The following RNF182 variants were observed in gnomAD, a reference collection of about 807,000 sequenced individuals.
The protein encoded by RNF182 is ring finger protein 182, also known as E3 ubiquitin-protein ligase RNF182.
A neutral mutation model predicts 14.4 loss-of-function variants in RNF182; 15 were observed. The observed-to-expected ratio is 1.04, with a 90% CI of 0.70 to 1.60. The LOEUF (loss-of-function observed/expected upper bound fraction) is 1.60, where lower values mean the gene tolerates loss of function less well. RNF182 is among the 40% of genes most tolerant of loss of function. The pLI, the probability that RNF182 is intolerant of heterozygous loss-of-function variation, is 0.00. For missense variants in RNF182, 268 were observed against 294.8 expected, an observed-to-expected ratio of 0.91 and a Z score of 0.67; for synonymous variants, 128 against 122.9, an observed-to-expected ratio of 1.04 and a Z score of -0.27.
intron 1 of RNF182, among the ~76,000 whole-genome samples, chr6:13,965,761 C>T (rs991924266): frequency 6.6e-6 from 1 of 152,168 alleles, no homozygotes; most frequent in African/African-American, 2.4e-5. Context: ...TGAGTATTGC[C>T]AAGGAAGAAG....
At chr6:13,938,126 C>T (rs1010018043) in intron 1 of RNF182, among the ~76,000 whole-genome samples, 3 of 142,976 alleles carry the variant, frequency 2.1e-5, no homozygotes, top group East Asian at 2.1e-4. Context: ...TCGGTCTCTG[C>T]GTAACTGGGA....
intron 1 of RNF182, among the ~76,000 whole-genome samples, chr6:13,930,845 T>A (rs538126930): frequency 6.6e-6 from 1 of 152,366 alleles, no homozygotes; most frequent in Non-Finnish European, 1.5e-5. Flanking sequence ...GGCTAATAAA[T>A]AGCTTATCCA....
chr6:13,930,338 C>A (rs1478649338), intron 1 of RNF182, among the ~76,000 whole-genome samples: 1 of 152,192 alleles, frequency 6.6e-6, no homozygotes, highest in Non-Finnish European at 1.5e-5. Context: ...GAGCCAGCCC[C>A]CCTGCAGATA....
In RNF182 at chr6:13,978,674, T is replaced by C. The variant is rs1760413074; in HGVS notation, c.*811T>C. On this transcript the variant is annotated 3_prime_UTR_variant, in exon 3 of 3. Transcript: ENST00000488300. Reference sequence around the variant, plus strand: ...TGAGTCTTTCCTTATAACATCTTAGTTTTGGTTTTTTTAAACCACATTGCC... The same window carrying C: ...TGAGTCTTTCCTTATAACATCTTAGCTTTGGTTTTTTTAAACCACATTGCC... The C allele has an allele frequency of 6.0e-6, 1 of 167,092 alleles. No individual in the cohort carries two copies. The highest frequency in any genetic ancestry group is 1.5e-5 in the Non-Finnish European group (1 of 68,120). 10.4% of individuals were successfully genotyped at this position (167,092 alleles called of 1,614,324 possible). A position where few individuals can be genotyped will look rare whatever the true frequency, so the allele number is the denominator to read the frequency against.
At chr6:13,939,683 A>G (rs1759238185) in intron 1 of RNF182, among the ~76,000 whole-genome samples, 1 of 152,012 alleles carries the variant, frequency 6.6e-6, no homozygotes, top group African/African-American at 2.4e-5. Context: ...AGCTGGGACT[A>G]CAGGCGCCTG....
chr6:13,940,258 T>C (rs1041343675), intron 1 of RNF182, among the ~76,000 whole-genome samples: 2 of 152,230 alleles, frequency 1.3e-5, no homozygotes, highest in African/African-American at 4.8e-5. Context: ...TTTATCGAGA[T>C]GATGATATGA....
intron 1 of RNF182, among the ~76,000 whole-genome samples, chr6:13,972,193 T>C (rs1760205010): frequency 1.3e-5 from 2 of 151,390 alleles, no homozygotes; most frequent in African/African-American, 4.9e-5. Context: ...TAGTCTCAGC[T>C]ACTCAGGAGG....
At chr6:13,971,070 C>T (rs770340980) in intron 1 of RNF182, among the ~76,000 whole-genome samples, 3 of 152,086 alleles carry the variant, frequency 2.0e-5, no homozygotes, top group Non-Finnish European at 2.9e-5. Flanking sequence ...ATAGCCTGCA[C>T]TAAGTCTGCT....
At chr6:13,969,139 C>T (rs143885138) in intron 1 of RNF182, among the ~76,000 whole-genome samples, 275 of 148,994 alleles carry the variant, frequency 1.8e-3, no homozygotes, top group African/African-American at 5.3e-3. Context: ...GTTGTTTTAC[C>T]TCTGCCTCTT....
chr6:13,962,173 C>T lies in RNF182; in HGVS notation c.-366-12037C>T, dbSNP rs141638578. ...AACAGTAATGAGAGTCTTTTAAGCT[C>T]TAACTAGAATCCAGCTTCTGAATCT... is the stretch of plus-strand genomic sequence containing the variant. On this transcript the variant is annotated intron_variant, in intron 1 of 2. Transcript: ENST00000488300. Among the ~76,000 whole-genome samples the T allele has an allele frequency of 1.2e-3, 189 of 152,236 alleles. 2 individuals are homozygous for T. In the East Asian group the frequency reaches 0.03, roughly 24 times the overall value.
At chr6:13,972,495 G>A (rs1015382028) in intron 1 of RNF182, among the ~76,000 whole-genome samples, 2 of 152,126 alleles carry the variant, frequency 1.3e-5, no homozygotes, top group African/African-American at 2.4e-5. Context: ...GGTCTTTATG[G>A]CAGCCCCTCC....
At chr6:13,929,456 G>A (rs1401772848) in intron 1 of RNF182, among the ~76,000 whole-genome samples, 1 of 152,116 alleles carries the variant, frequency 6.6e-6, no homozygotes, top group African/African-American at 2.4e-5. Flanking sequence ...ACAATAAAAG[G>A]TTTCTGTGTG....
chr6:13,953,224 C>T (rs896744115), intron 1 of RNF182, among the ~76,000 whole-genome samples: 2 of 152,206 alleles, frequency 1.3e-5, no homozygotes, highest in African/African-American at 4.8e-5. Context: ...TTTTACTCAG[C>T]CCCTAGGCAA....
chr6:13,942,349 A>C (rs1028786417), intron 1 of RNF182, among the ~76,000 whole-genome samples: 1 of 152,118 alleles, frequency 6.6e-6, no homozygotes. Flanking sequence ...TAATTAAAAA[A>C]AATTTTTTTT....
rs1759329353 is a variant in RNF182 at position 13,942,704 on chromosome 6, C to T, written c.-367+17681C>T. ...GTATTTCTTCTGGTCTGATCACTTT[C>T]CTCTGCTCCTAGAAGTACAATTTTA... is the stretch of plus-strand genomic sequence containing the variant. On this transcript the variant is annotated intron_variant, in intron 1 of 2. Coordinates refer to ENST00000488300, the MANE Select transcript of RNF182 (RefSeq NM_152737.4). Among the ~76,000 whole-genome samples, 3 of 152,160 alleles carry T rather than the reference C, an allele frequency of 2.0e-5. No homozygotes were observed. The South Asian group carries it at 6.2e-4, about 32-fold the overall frequency.
At chr6:13,924,819 C>G (rs1377296254), upstream of RNF182, 1 of 151,142 alleles carries the variant, frequency 6.6e-6, no homozygotes, top group African/African-American at 2.4e-5. Context: ...TCCGAATACC[C>G]GGACTGCTGA....
chr6:13,947,765 G>A (rs900683994), intron 1 of RNF182, among the ~76,000 whole-genome samples: 8 of 152,138 alleles, frequency 5.3e-5, no homozygotes, highest in Non-Finnish European at 1.0e-4. Flanking sequence ...CTCTATAAAT[G>A]AATTTTGATT....
intron 1 of RNF182, among the ~76,000 whole-genome samples, chr6:13,957,000 C>T (rs909655234): frequency 2.6e-5 from 4 of 152,150 alleles, no homozygotes; most frequent in South Asian, 2.1e-4. Flanking sequence ...ACTGTGTGAC[C>T]GAATGGAATG....
intron 1 of RNF182, among the ~76,000 whole-genome samples, chr6:13,931,123 T>G (rs1460806994): frequency 6.6e-6 from 1 of 152,182 alleles, no homozygotes; most frequent in Admixed American, 6.5e-5. Context: ...TGTTCACAGT[T>G]ATTGCTGCAG....
Sources: gnomAD v4.1 joint callset for allele counts (sites outside exome capture counted in the v4.1 genomes callset) on GRCh38, gnomAD v4.1.1 for gene constraint, MANE v1.5 for transcripts, NCBI Gene and HGNC (gene_info 2026-07-23, HGNC 2026-07-21) for gene names.